ALDH1L2: variants seen among roughly 807,000 people sequenced by gnomAD.
The protein encoded by ALDH1L2 is mitochondrial 10-formyltetrahydrofolate dehydrogenase.
ALDH1L2 carries 91 observed loss-of-function variants against 111.0 expected under a neutral mutation model. The ratio of observed to expected loss-of-function variants is 0.82; its 90% CI spans 0.69 to 0.98. The LOEUF is 0.98. ALDH1L2 is among the 50% of genes least tolerant of loss of function. ALDH1L2 has a pLI of 0.00. For synonymous variants in ALDH1L2, 374 were observed against 392.6 expected (o/e 0.95, Z 0.56); for missense variants, 995 against 1,126.8 (o/e 0.88, Z 1.67).
At chr12:105,028,891 T>A (rs1454556701) in intron 21 of ALDH1L2, among the ~76,000 whole-genome samples, 2 of 152,236 alleles carry the variant, frequency 1.3e-5, no homozygotes, top group Admixed American at 1.3e-4. Flanking sequence ...CTCACTGCAA[T>A]GCTCTATTGA....
chr12:105,070,784 C>T lies in ALDH1L2; in HGVS notation c.214G>A (p.Gly72Arg). Reference protein sequence around the residue: ...DPLALAAEKDGTPVFKLPKWR... With the variant: ...DPLALAAEKDRTPVFKLPKWR... ...TTAGGAAGCTTGAACACAGGGGTCCCATCTTTCTCTGCAGCCAAAGCTGAG... is the reference window on the plus strand; with the variant it reads ...TTAGGAAGCTTGAACACAGGGGTCCTATCTTTCTCTGCAGCCAAAGCTGAG... The change falls in exon 3 of 23, where the codon GGG (glycine) becomes AGG (arginine). Residue 72 changes from glycine to arginine, a missense_variant. Gly to Arg is a moderately radical substitution (Grantham distance 125, BLOSUM62 -2). Coordinates refer to ENST00000258494, the MANE Select transcript of ALDH1L2 (RefSeq NM_001034173.4). The T allele has an allele frequency of 6.2e-7, 1 of 1,613,120 alleles. No homozygotes were observed. Among genetic ancestry groups the T allele is most frequent in the Non-Finnish European group, 8.5e-7 (1 of 1,179,782 alleles).
At chr12:105,048,156 T>C (rs1464898215) in intron 13 of ALDH1L2, 3 of 152,260 alleles carry the variant, frequency 2.0e-5, no homozygotes, top group Admixed American at 2.0e-4. Context: ...CCTGCTATGT[T>C]GCAGACTTGT....
chr12:105,066,899 T>G (rs1877389974), intron 4 of ALDH1L2, among the ~76,000 whole-genome samples: 1 of 152,210 alleles, frequency 6.6e-6, no homozygotes. Flanking sequence ...TGTATATTGT[T>G]ATTCCTGTTT....
rs1472478917 is a variant in ALDH1L2 at position 105,023,991 on chromosome 12, G to T, written c.*433C>A. 6.1e-6 allele frequency: 1 copy of T among 164,648 alleles called. No individual in the cohort carries two copies. Among genetic ancestry groups the T allele is most frequent in the Admixed American group, 5.9e-5 (1 of 16,814 alleles). The allele number at this position is 164,648 out of a possible 1,614,324, so 10.2% of individuals were successfully genotyped here. The stretch of plus-strand genomic sequence containing the variant: ...CTTCACATTCCTTACAGGTTATACT[G>T]TTCCTTAGAAGACTTATAGAAAATC... On this transcript the variant is annotated 3_prime_UTR_variant, in exon 23 of 23. Transcript: ENST00000258494.
At chr12:105,083,383 T>C (rs1878420848) in intron 1 of ALDH1L2, among the ~76,000 whole-genome samples, 1 of 150,300 alleles carries the variant, frequency 6.7e-6, no homozygotes, top group African/African-American at 2.5e-5. Context: ...TAGAACTGGT[T>C]GCAAAGAGTA....
At chr12:105,050,586 T>C in intron 12 of ALDH1L2, 1 of 395,272 alleles carries the variant, frequency 2.5e-6, no homozygotes, top group South Asian at 1.9e-5. Context: ...CTCTATTTAT[T>C]TTTCTTCTGT....
rs780883635 is a variant in ALDH1L2, at chr12:105,068,833, A to G, written c.480T>C (p.Asp160=). 6.2e-7 allele frequency: 1 copy of G among 1,603,526 alleles called. No individual in the cohort carries two copies. The highest frequency in any genetic ancestry group is 8.5e-7 in the Non-Finnish European group (1 of 1,175,906). The stretch of plus-strand genomic sequence containing the variant: ...GGATGGGTCCTGTATCCAAGCCATC[A>G]TCAGCCCAGAAAACAGAAAACCCAG... ...KKAGFSVFWA[D]DGLDTGPILL... Residue 160 remains aspartate, a synonymous_variant, in exon 4 of 23, where the codon GAT becomes GAC. Transcript: ENST00000258494.
At chr12:105,051,306 C>T (rs561044345) in intron 12 of ALDH1L2, among the ~76,000 whole-genome samples, 43 of 152,208 alleles carry the variant, frequency 2.8e-4, no homozygotes, top group Middle Eastern at 3.4e-3. Flanking sequence ...GGGAGGCACC[C>T]GCAGAATATT....
In ALDH1L2 at chr12:105,060,914, T is replaced by C. The variant is rs183356875; in HGVS notation, c.1139+67A>G. 520 of 1,456,148 alleles carry C rather than the reference T, an allele frequency of 3.6e-4. 1 individual carries two copies. The East Asian group carries it at 4.8e-3, about 14-fold the overall frequency. The allele number at this position is 1,456,148 out of a possible 1,614,324, so 90.2% of individuals were successfully genotyped here. On this transcript the variant is annotated intron_variant, in intron 9 of 22. Transcript: ENST00000258494. ...AACAAAGGATGTGTGTGGATTTCAC[T>C]GTCAAAGCCAAAGTCAAAATCTCTA...
At position 105,024,253 on chromosome 12, in the gene ALDH1L2, T is replaced by C; in HGVS notation, c.*171A>G. 1 of 655,902 alleles carries C rather than the reference T, an allele frequency of 1.5e-6. No individual in the cohort carries two copies. Among genetic ancestry groups the C allele is most frequent in the Admixed American group, 2.8e-5 (1 of 35,506 alleles). 40.6% of individuals were successfully genotyped at this position (655,902 alleles called of 1,614,324 possible). On this transcript the variant is annotated 3_prime_UTR_variant, in exon 23 of 23. Transcript: ENST00000258494. ...AATCACTGGAAGGTGTATTAGAAAA[T>C]ACTCAGGCACATGTGTAAATGCTTT...
At chr12:105,066,504 G>A in intron 5 of ALDH1L2, 64 bp downstream of exon 5, 1 of 1,454,484 alleles carries the variant, frequency 6.9e-7, no homozygotes. Context: ...TAGTATGTGG[G>A]GAACTACTGA....
chr12:105,050,932 T>G (rs1473039717), intron 12 of ALDH1L2, among the ~76,000 whole-genome samples: 1 of 152,092 alleles, frequency 6.6e-6, no homozygotes, highest in Non-Finnish European at 1.5e-5. Flanking sequence ...GAGATTTGGG[T>G]GGGGACACAG....
At position 105,027,049 on chromosome 12, in the gene ALDH1L2, T is replaced by A. The variant is rs549904352; in HGVS notation, c.2517-305A>T. 2.3e-3 allele frequency among the ~76,000 whole-genome samples: 354 copies of A among 152,298 alleles called. 9 individuals are homozygous for A. In the South Asian group the frequency reaches 0.03, roughly 13 times the overall value. ...CATGCTCAGCTAATTTTTAAAAAAA[T>A]TTTTTTGTAGAGATAGCATCTCCCT... On this transcript the variant is annotated intron_variant, in intron 21 of 22. Transcript: ENST00000258494.
At chr12:105,048,426 G>A (rs1417371714) in intron 13 of ALDH1L2, 2 of 152,182 alleles carry the variant, frequency 1.3e-5, no homozygotes, top group East Asian at 3.9e-4. Context: ...GCCAAGGAGG[G>A]ATATGAGCAA....
At chr12:105,030,098 A>G (rs566680629) in intron 21 of ALDH1L2, 462 of 325,240 alleles carry the variant, frequency 1.4e-3, no homozygotes, top group Non-Finnish European at 2.0e-3. Context: ...AAATTTATTC[A>G]GCTAAAAGCC....
At chr12:105,059,679 G>A (rs1355782914) in intron 9 of ALDH1L2, among the ~76,000 whole-genome samples, 2 of 152,186 alleles carry the variant, frequency 1.3e-5, no homozygotes, top group African/African-American at 4.8e-5. Context: ...TAAAGGGGAC[G>A]TTGTCTAGTT....
At chr12:105,071,218 T>C (rs1565972089) in intron 2 of ALDH1L2, among the ~76,000 whole-genome samples, 1 of 152,224 alleles carries the variant, frequency 6.6e-6, no homozygotes, top group African/African-American at 2.4e-5. Flanking sequence ...TCCCTCCCTA[T>C]ACTGAACACA....
At chr12:105,035,606 C>A (rs953047314) in intron 18 of ALDH1L2, among the ~76,000 whole-genome samples, 2 of 152,076 alleles carry the variant, frequency 1.3e-5, no homozygotes, top group Non-Finnish European at 2.9e-5. Flanking sequence ...GCGTAAGCCA[C>A]CACGTGCAGC....
At position 105,052,807 on chromosome 12, in the gene ALDH1L2, C is replaced by CT. The variant is rs771133356; in HGVS notation, c.1407+4dup. ...GATCACTACTCACACTAAAGAATTACTCACAGATCCATCTGTTGGGTTGAT... is the reference window on the plus strand; with the variant it reads ...GATCACTACTCACACTAAAGAATTACTTCACAGATCCATCTGTTGGGTTGAT... On this transcript the variant is annotated splice_donor_region_variant and intron_variant, in intron 11 of 22. Coordinates refer to ENST00000258494, the MANE Select transcript of ALDH1L2 (RefSeq NM_001034173.4). 1 of 1,614,064 alleles carries CT rather than the reference C, an allele frequency of 6.2e-7. No individual in the cohort carries two copies. The highest frequency in any genetic ancestry group is 1.3e-5 in the African/African-American group (1 of 75,048).
Sources: gnomAD v4.1 joint callset for allele counts (sites outside exome capture counted in the v4.1 genomes callset) on GRCh38, gnomAD v4.1.1 for gene constraint, MANE v1.5 for transcripts, NCBI Gene and HGNC (gene_info 2026-07-23, HGNC 2026-07-21) for gene names.